The following KLHL4 variants were observed in gnomAD, a reference collection of about 807,000 sequenced individuals.
KLHL4 encodes kelch-like protein 4.
KLHL4 carries 17 observed loss-of-function variants against 45.8 expected under a neutral mutation model. The observed-to-expected ratio is 0.37, with a 90% CI of 0.25 to 0.56. The LOEUF (loss-of-function observed/expected upper bound fraction) is 0.56, where lower values mean the gene tolerates loss of function less well. KLHL4 is among the 20% of genes least tolerant of loss of function. KLHL4 has a pLI of 0.79. For synonymous variants in KLHL4, 224 were observed against 189.9 expected, an observed-to-expected ratio of 1.18 and a Z score of -1.47; for missense variants, 544 against 544.9, an observed-to-expected ratio of 1.00 and a Z score of 0.02.
intron 9 of KLHL4, among the ~76,000 whole-genome samples, chrX:87,659,872 G>C (rs753175139): frequency 9.0e-5 from 10 of 110,994 alleles, no homozygotes; most frequent in Non-Finnish European, 1.9e-4. Context: ...CATGTTCTGT[G>C]CCTGAGGTCA....
chrX:87,520,262 A>G (rs1930974481), intron 1 of KLHL4, among the ~76,000 whole-genome samples: 1 of 112,472 alleles, frequency 8.9e-6, no homozygotes, highest in Non-Finnish European at 1.9e-5. Flanking sequence ...TCTCTTCTTG[A>G]GCAATATTGA....
intron 1 of KLHL4, among the ~76,000 whole-genome samples, chrX:87,551,437 C>A (rs1482440208): frequency 9.0e-6 from 1 of 111,201 alleles, no homozygotes; most frequent in Non-Finnish European, 1.9e-5. Flanking sequence ...AAGCAATCTA[C>A]AAATTCAACA....
chrX:87,529,024 G>A (rs1475856121), intron 1 of KLHL4, among the ~76,000 whole-genome samples: 9 of 108,011 alleles, frequency 8.3e-5, no homozygotes, highest in African/African-American at 2.7e-4. Context: ...AACTTTTCAC[G>A]TCAGGAGAAA....
At chrX:87,608,212 C>T (rs1177644811) in intron 1 of KLHL4, among the ~76,000 whole-genome samples, 1 of 112,239 alleles carries the variant, frequency 8.9e-6, no homozygotes, top group Non-Finnish European at 1.9e-5. Flanking sequence ...ACCACCACTT[C>T]TATAATCTTG....
chrX:87,581,353 G>A (rs1456835907), intron 1 of KLHL4, among the ~76,000 whole-genome samples: 1 of 112,395 alleles, frequency 8.9e-6, no homozygotes, highest in Admixed American at 9.4e-5. Context: ...CAGCACAGCT[G>A]CTCTCCGCAA....
chrX:87,628,271 T>C (rs1193402348), intron 6 of KLHL4, among the ~76,000 whole-genome samples: 1 of 111,520 alleles, frequency 9.0e-6, no homozygotes, highest in African/African-American at 3.3e-5. Flanking sequence ...GATGAAATTC[T>C]TATTCAAATA....
chrX:87,533,602 C>T (rs1931358833), intron 1 of KLHL4, among the ~76,000 whole-genome samples: 1 of 106,820 alleles, frequency 9.4e-6, no homozygotes, highest in African/African-American at 3.4e-5. Flanking sequence ...ATACCTAATG[C>T]TAAATGACCA....
chrX:87,547,231 A>G (rs1931703105), intron 1 of KLHL4, among the ~76,000 whole-genome samples: 1 of 110,771 alleles, frequency 9.0e-6, no homozygotes, highest in African/African-American at 3.3e-5. Flanking sequence ...CGATTTGATT[A>G]TGGGGTGGTT....
intron 1 of KLHL4, among the ~76,000 whole-genome samples, chrX:87,580,728 C>T (rs1335177602): frequency 8.9e-6 from 1 of 111,753 alleles, no homozygotes; most frequent in Non-Finnish European, 1.9e-5. Flanking sequence ...ATAAAATAAA[C>T]ATTAAAGGGA....
chrX:87,633,034 T>A (rs1463785484), intron 7 of KLHL4, among the ~76,000 whole-genome samples: 2 of 111,622 alleles, frequency 1.8e-5, no homozygotes, highest in Non-Finnish European at 3.8e-5. Context: ...TTCAGTTCAG[T>A]TATGTCAGTG....
intron 1 of KLHL4, among the ~76,000 whole-genome samples, chrX:87,601,141 T>C (rs1310969628): frequency 8.9e-6 from 1 of 111,843 alleles, no homozygotes; most frequent in Non-Finnish European, 1.9e-5. Flanking sequence ...CAAACGTAGA[T>C]ATAAGGCAGA....
intron 1 of KLHL4, among the ~76,000 whole-genome samples, chrX:87,573,826 A>C (rs1204591163): frequency 6.3e-5 from 7 of 111,774 alleles, no homozygotes; most frequent in Non-Finnish European, 1.9e-5. Context: ...TTATAAAGGA[A>C]AGTCTTAAAA....
chrX:87,573,603 A>T (rs888907648), intron 1 of KLHL4, among the ~76,000 whole-genome samples: 1 of 111,249 alleles, frequency 9.0e-6, no homozygotes, highest in Non-Finnish European at 1.9e-5. Flanking sequence ...ATAAAGACCC[A>T]ATGTTGTGTT....
In KLHL4 at chrX:87,517,911, G is replaced by C. The variant is rs777808807; in HGVS notation, c.18G>C (p.Lys6Asn). Residue 6 changes from lysine (K) to asparagine (N), a missense_variant, in exon 1 of 11, where the codon AAG becomes AAC. Coordinates refer to ENST00000373119, the MANE Select transcript of KLHL4 (RefSeq NM_019117.5). Reference protein sequence around the residue: MSVSGKKEFDVKQILR... With the variant: MSVSGNKEFDVKQILR... ...CTGCTACGATGTCAGTGTCTGGCAAGAAAGAGTTTGATGTGAAACAGATCC... is the reference window on the plus strand; with the variant it reads ...CTGCTACGATGTCAGTGTCTGGCAACAAAGAGTTTGATGTGAAACAGATCC... 8.3e-6 allele frequency: 10 copies of C among 1,205,470 alleles called. No individual in the cohort carries two copies. The highest frequency in any genetic ancestry group is 1.1e-5 in the Non-Finnish European group (10 of 891,995).
At chrX:87,603,766 C>A (rs1483285631) in intron 1 of KLHL4, among the ~76,000 whole-genome samples, 1 of 110,121 alleles carries the variant, frequency 9.1e-6, no homozygotes, top group East Asian at 2.9e-4. Flanking sequence ...CAGCTATCTG[C>A]TAATATACAG....
At chrX:87,554,033 T>C (rs113817758) in intron 1 of KLHL4, among the ~76,000 whole-genome samples, 22,420 of 105,237 alleles carry the variant, frequency 0.21, 2,044 homozygotes, top group Non-Finnish European at 0.25. Flanking sequence ...ATTGTAGATA[T>C]GCGGCATTAT....
intron 1 of KLHL4, among the ~76,000 whole-genome samples, chrX:87,552,796 C>T (rs1931863881): frequency 9.2e-6 from 1 of 108,630 alleles, no homozygotes; most frequent in African/African-American, 3.3e-5. Flanking sequence ...AGGATGTTAC[C>T]AGAGGCTGGG....
At chrX:87,601,866 G>A (rs1004241044) in intron 1 of KLHL4, among the ~76,000 whole-genome samples, 4 of 111,200 alleles carry the variant, frequency 3.6e-5, no homozygotes, top group African/African-American at 6.5e-5. Context: ...GCCGTGTGCT[G>A]CCTAACATTT....
At chrX:87,591,106 G>A (rs1921648843) in intron 1 of KLHL4, among the ~76,000 whole-genome samples, 1 of 111,673 alleles carries the variant, frequency 9.0e-6, no homozygotes, top group African/African-American at 3.3e-5. Context: ...ATTCCCACCA[G>A]TGTATTAGAG....
Sources: allele counts gnomAD v4.1 joint callset (sites outside exome capture counted in the v4.1 genomes callset), GRCh38; gene constraint gnomAD v4.1.1; transcripts MANE v1.5; gene names NCBI Gene and HGNC (gene_info 2026-07-23, HGNC 2026-07-21).